WDPCP: variants seen among roughly 807,000 people sequenced by gnomAD.
WDPCP encodes WD repeat containing planar cell polarity effector.
Under a neutral mutation model 93.1 loss-of-function variants are expected in WDPCP, and 71 were observed. That is an observed-to-expected ratio of 0.76 (90% CI 0.63 to 0.93). The LOEUF is 0.93. WDPCP is among the 40% of genes least tolerant of loss of function. The pLI, the probability that WDPCP is intolerant of heterozygous loss-of-function variation, is 0.00. For missense variants in WDPCP, 844 were observed against 887.4 expected (o/e 0.95, Z 0.62); for synonymous variants, 315 against 315.0 (o/e 1.00, Z 0.00).
chr2:63,332,461 T>C (rs1238847875), intron 12 of WDPCP, among the ~76,000 whole-genome samples: 1 of 152,194 alleles, frequency 6.6e-6, no homozygotes, highest in Non-Finnish European at 1.5e-5. Context: ...TTATTATATG[T>C]AAAACTTATA....
At chr2:63,722,253 C>T (rs369145267) in intron 2 of WDPCP, among the ~76,000 whole-genome samples, 6 of 150,598 alleles carry the variant, frequency 4.0e-5, no homozygotes, top group East Asian at 4.0e-4. Context: ...GGAGCGTCTC[C>T]GCCCGGCCGC....
At chr2:63,699,396 G>A (rs901550352) in intron 2 of WDPCP, among the ~76,000 whole-genome samples, 24 of 152,202 alleles carry the variant, frequency 1.6e-4, no homozygotes, top group African/African-American at 5.3e-4. Flanking sequence ...TTGCAGGACC[G>A]AATCTGGATG....
intron 3 of WDPCP, among the ~76,000 whole-genome samples, chr2:63,614,860 C>A (rs1175592961): frequency 6.6e-6 from 1 of 152,202 alleles, no homozygotes; most frequent in South Asian, 2.1e-4. Context: ...AGATCATACC[C>A]TGTATCCAAT....
chr2:63,470,411 C>T (rs979894821), intron 6 of WDPCP, among the ~76,000 whole-genome samples: 4 of 152,160 alleles, frequency 2.6e-5, no homozygotes, highest in Non-Finnish European at 1.5e-5. Context: ...CAATCTTCCC[C>T]ACATCAGTAA....
intron 6 of WDPCP, among the ~76,000 whole-genome samples, chr2:63,474,556 C>T (rs867561446): frequency 6.6e-6 from 1 of 151,978 alleles, no homozygotes; most frequent in Non-Finnish European, 1.5e-5. Context: ...TTGCTTATCT[C>T]CTGAGTGGAA....
chr2:63,623,140 G>A (rs929492186), intron 3 of WDPCP, among the ~76,000 whole-genome samples: 8 of 152,208 alleles, frequency 5.3e-5, no homozygotes, highest in African/African-American at 1.7e-4. Context: ...CAAATGCTGA[G>A]AGATTTTTTC....
intron 2 of WDPCP, chr2:63,684,806 T>C: frequency 2.6e-6 from 1 of 381,316 alleles, no homozygotes; most frequent in South Asian, 2.6e-5. Flanking sequence ...AAACTAAAAA[T>C]CAATAATAAT....
At chr2:63,810,080 C>A (rs1267341510) in intron 2 of WDPCP, among the ~76,000 whole-genome samples, 1 of 152,006 alleles carries the variant, frequency 6.6e-6, no homozygotes, top group African/African-American at 2.4e-5. Context: ...AAAAGTAATT[C>A]AAAAAATAAG....
At chr2:63,629,214 G>T (rs1709841209) in intron 3 of WDPCP, among the ~76,000 whole-genome samples, 1 of 152,172 alleles carries the variant, frequency 6.6e-6, no homozygotes, top group African/African-American at 2.4e-5. Flanking sequence ...GGGCAGCTTT[G>T]CAACAGAAAA....
intron 12 of WDPCP, among the ~76,000 whole-genome samples, chr2:63,316,059 A>T (rs771705803): frequency 9.9e-5 from 15 of 152,136 alleles, no homozygotes; most frequent in Non-Finnish European, 1.9e-4. Flanking sequence ...CACTGTGCTC[A>T]GTCAATTTGA....
rs1398447018 is a variant in WDPCP at position 63,198,124 on chromosome 2, T to C, written c.1916-23292A>G. 2.6e-5 allele frequency among the ~76,000 whole-genome samples: 4 copies of C among 152,318 alleles called. No individual in the cohort carries two copies. In the East Asian group the frequency reaches 7.7e-4, roughly 29 times the overall value. On this transcript the variant is annotated intron_variant, in intron 14 of 17. Transcript: ENST00000272321. ...CTCATCCTTCTGGAATTTATTATGGTGTGAGGAGTGAATCCAATTTTATCA... is the reference window on the plus strand; with the variant it reads ...CTCATCCTTCTGGAATTTATTATGGCGTGAGGAGTGAATCCAATTTTATCA...
intron 3 of WDPCP, chr2:63,599,089 G>C: frequency 6.9e-7 from 1 of 1,444,614 alleles, no homozygotes; most frequent in Non-Finnish European, 9.4e-7. Flanking sequence ...CTACCTGTTA[G>C]ACATTTTCAG....
chr2:63,630,389 A>G (rs886640960), intron 3 of WDPCP, among the ~76,000 whole-genome samples: 3 of 152,224 alleles, frequency 2.0e-5, no homozygotes, highest in Non-Finnish European at 4.4e-5. Flanking sequence ...TCTACAAGAA[A>G]CTTACTTCAA....
chr2:63,388,362 A>C (rs1217253580), intron 10 of WDPCP, among the ~76,000 whole-genome samples: 1 of 152,170 alleles, frequency 6.6e-6, no homozygotes, highest in African/African-American at 2.4e-5. Context: ...CATCAACAAA[A>C]AGGGCATCTA....
chr2:63,824,698 T>C lies in WDPCP; in HGVS notation n.222+2924A>G, dbSNP rs1440320456. ...ATTATAGGTTAAAAATCTTAAATCT[T>C]ACCATTAAAAGAGAAAATAATAGTT... On this transcript the variant is annotated intron_variant and non_coding_transcript_variant, in intron 1 of 4. Transcript: ENST00000467687. 2.0e-5 allele frequency among the ~76,000 whole-genome samples: 3 copies of C among 151,986 alleles called. 1 individual carries two copies. The highest frequency in any genetic ancestry group is 7.2e-5 in the African/African-American group (3 of 41,414).
chr2:63,683,344 C>T (rs1214197839), intron 2 of WDPCP, among the ~76,000 whole-genome samples: 1 of 151,926 alleles, frequency 6.6e-6, no homozygotes, highest in Non-Finnish European at 1.5e-5. Flanking sequence ...CTATTACCTA[C>T]AAGAAACACA....
chr2:63,351,886 C>T (rs188630054), intron 12 of WDPCP, among the ~76,000 whole-genome samples: 3 of 152,342 alleles, frequency 2.0e-5, no homozygotes, highest in African/African-American at 7.2e-5. Context: ...ACACTCCCAA[C>T]AACAGTATAT....
chr2:63,436,904 T>C (rs1190609155), intron 8 of WDPCP, among the ~76,000 whole-genome samples: 1 of 152,228 alleles, frequency 6.6e-6, no homozygotes, highest in East Asian at 1.9e-4. Context: ...AAGGGTGAGA[T>C]ACTAACACAT....
At chr2:63,575,428 G>GTATATACAGTGTATACAC (rs1558832315) in intron 1 of WDPCP, among the ~76,000 whole-genome samples, 4 of 30,074 alleles carry the variant, frequency 1.3e-4, no homozygotes, top group Admixed American at 3.6e-4. Flanking sequence ...ACTGTATACA[G>GTATATACAGTGTATACAC]TGTATATACA....
Sources: allele counts gnomAD v4.1 joint callset (sites outside exome capture counted in the v4.1 genomes callset), GRCh38; gene constraint gnomAD v4.1.1; transcripts MANE v1.5; gene names NCBI Gene and HGNC (gene_info 2026-07-23, HGNC 2026-07-21).